Variants in DIXDC1 observed in about 807,000 individuals in gnomAD.
The protein encoded by DIXDC1 is dixin.
In DIXDC1, 64 loss-of-function variants were observed where a neutral mutation model predicts 103.1. The observed-to-expected ratio is 0.62, with a 90% CI of 0.51 to 0.76. The LOEUF is 0.76. Ranked by LOEUF, DIXDC1 falls within the 30% of genes least tolerant of loss-of-function variation. The pLI is 0.00. For missense variants in DIXDC1, 759 were observed against 834.2 expected (o/e 0.91, Z 1.11); for synonymous variants, 266 against 298.5 (o/e 0.89, Z 1.12).
intron 10 of DIXDC1, 75 bp downstream of exon 10, chr11:111,989,130 T>C (rs1344489133): frequency 1.5e-6 from 2 of 1,315,004 alleles, no homozygotes; most frequent in Non-Finnish European, 2.1e-6. Context: ...GTGGTGAGAG[T>C]TGGAATTTTC....
chr11:111,942,794 T>C (rs1555169000), intron 1 of DIXDC1, among the ~76,000 whole-genome samples: 1 of 152,210 alleles, frequency 6.6e-6, no homozygotes, highest in Non-Finnish European at 1.5e-5. Context: ...TAATCTTCCC[T>C]TATCCAAGGG....
chr11:111,938,672 C>A (rs1433310037), intron 1 of DIXDC1, among the ~76,000 whole-genome samples: 4 of 152,198 alleles, frequency 2.6e-5, no homozygotes, highest in African/African-American at 9.7e-5. Flanking sequence ...CTACAGACTC[C>A]TTCCTTAATT....
At chr11:111,951,597 A>G (rs1197997769) in intron 1 of DIXDC1, among the ~76,000 whole-genome samples, 2 of 152,162 alleles carry the variant, frequency 1.3e-5, no homozygotes, top group African/African-American at 2.4e-5. Context: ...TAGTTTGGCT[A>G]TGTCCCCACC....
chr11:111,968,719 C>T, intron 3 of DIXDC1, 81 bp downstream of exon 3: 1 of 1,362,154 alleles, frequency 7.3e-7, no homozygotes, highest in South Asian at 1.9e-5. Context: ...TTGGCTGTAA[C>T]CTGGGGGAAG....
upstream of DIXDC1, among the ~76,000 whole-genome samples, chr11:111,935,527 C>T (rs1378398067): frequency 2.0e-5 from 3 of 152,220 alleles, no homozygotes; most frequent in African/African-American, 7.2e-5. Flanking sequence ...CTCAACCAAT[C>T]AGGATCCTCT....
At chr11:111,959,036 T>C (rs1592565378) in intron 1 of DIXDC1, among the ~76,000 whole-genome samples, 1 of 152,334 alleles carries the variant, frequency 6.6e-6, no homozygotes, top group South Asian at 2.1e-4. Context: ...GCACGTCTCC[T>C]CTGAGCTGTT....
At chr11:111,939,169 T>C (rs1555168572) in intron 1 of DIXDC1, among the ~76,000 whole-genome samples, 1 of 152,230 alleles carries the variant, frequency 6.6e-6, no homozygotes, top group Non-Finnish European at 1.5e-5. Flanking sequence ...ATGGTCCCAC[T>C]GTCTGTTTAA....
chr11:111,988,749 T>G (rs1202366824), intron 9 of DIXDC1, among the ~76,000 whole-genome samples: 2 of 152,204 alleles, frequency 1.3e-5, no homozygotes, highest in Non-Finnish European at 2.9e-5. Flanking sequence ...TTATGGGGTA[T>G]CTTCTTTCTT....
At chr11:111,983,277 G>A (rs587634890) in intron 7 of DIXDC1, among the ~76,000 whole-genome samples, 2 of 152,348 alleles carry the variant, frequency 1.3e-5, no homozygotes, top group South Asian at 4.1e-4. Context: ...GGCTCTGGCA[G>A]CCGGCAGGCG....
chr11:111,929,800 T>C, intron 1 of DIXDC1: 1 of 1,443,394 alleles, frequency 6.9e-7, no homozygotes, highest in East Asian at 2.5e-5. Context: ...TGTACATTTC[T>C]TATTCTTCCT....
chr11:111,968,599 G>A lies in DIXDC1; in HGVS notation c.277G>A (p.Ala93Thr), dbSNP rs782726393. The change falls in exon 3 of 20, where the codon GCC becomes ACC. Residue 93 changes from alanine (A) to threonine (T), a missense_variant. Coordinates refer to ENST00000440460, the MANE Select transcript of DIXDC1 (RefSeq NM_001037954.4). Reference protein sequence around the residue: ...NNVEKVLQFVASKKIRMHQTS... With the variant: ...NNVEKVLQFVTSKKIRMHQTS... ...TGTGGAGAAAGTGCTACAGTTTGTG[G>A]CCTCTAAAAAGATTCGTATGCACCA... The A allele has an allele frequency of 1.9e-6, 3 of 1,611,712 alleles. No homozygotes were observed. The highest frequency in any genetic ancestry group is 2.5e-6 in the Non-Finnish European group (3 of 1,178,880).
intron 1 of DIXDC1, among the ~76,000 whole-genome samples, chr11:111,955,339 C>CAAA (rs869169346): frequency 2.0e-5 from 1 of 49,818 alleles, no homozygotes; most frequent in Non-Finnish European, 4.9e-5. Context: ...GAGACCCTGT[C>CAAA]AAAAAAAAAA....
intron 1 of DIXDC1, among the ~76,000 whole-genome samples, chr11:111,939,041 G>C (rs1329711793): frequency 6.6e-6 from 1 of 152,126 alleles, no homozygotes; most frequent in Non-Finnish European, 1.5e-5. Context: ...CTGCCTTTGG[G>C]CTGCCCCTGG....
chr11:112,016,074 G>A (rs1316008729), intron 17 of DIXDC1: 2 of 150,798 alleles, frequency 1.3e-5, no homozygotes, highest in Non-Finnish European at 2.9e-5. Flanking sequence ...CTCCCAAAGT[G>A]TTGGGAAATA....
intron 6 of DIXDC1, 178 bp from the exon 7 acceptor site, chr11:111,982,161 G>C (rs1860325347): frequency 3.5e-6 from 2 of 566,390 alleles, no homozygotes; most frequent in Admixed American, 3.1e-5. Flanking sequence ...CCTGAGGCCT[G>C]AGCTCACAGC....
chr11:111,970,283 G>A (rs1859873787), intron 3 of DIXDC1, among the ~76,000 whole-genome samples: 1 of 152,076 alleles, frequency 6.6e-6, no homozygotes, highest in South Asian at 2.1e-4. Flanking sequence ...TCGAACTCCT[G>A]ACCTCAAGTG....
Position 112,017,793 on chromosome 11 carries a change from T to G in DIXDC1, c.1879T>G (p.Leu627Val). 6.2e-7 allele frequency: 1 copy of G among 1,610,166 alleles called. No individual in the cohort carries two copies. Among genetic ancestry groups the G allele is most frequent in the Non-Finnish European group, 8.5e-7 (1 of 1,178,034 alleles). ...GTGTTGCAGGTTGGAGGAGGTGACGTTAAAGGATTTTAAAGCAGCTATTGA... is the reference window on the plus strand; with the variant it reads ...GTGTTGCAGGTTGGAGGAGGTGACGGTAAAGGATTTTAAAGCAGCTATTGA... ...NIPKRLEEVTLKDFKAAIDRE... is the reference protein window; with the variant it reads ...NIPKRLEEVTVKDFKAAIDRE... Residue 627 changes from leucine (L) to valine (V), a missense_variant, in exon 19 of 20, where the codon TTA (leucine) becomes GTA (valine). Around this residue, in one of 3 missense-constraint regions of DIXDC1, gnomAD observed 657 missense variants for 727.5 expected, o/e 0.90. Transcript: ENST00000440460. The surrounding 1 kb of genome is among the most constrained non-coding windows in gnomAD (Gnocchi z 4.0).
At chr11:112,004,108 A>G (rs505865) in intron 17 of DIXDC1, among the ~76,000 whole-genome samples, 5,249 of 149,034 alleles carry the variant, frequency 0.035, 321 homozygotes, top group African/African-American at 0.12. Flanking sequence ...ATGTGTGTGT[A>G]TATGTGTATA....
chr11:111,927,828 G>C lies in DIXDC1; in HGVS notation c.-37+441G>C, dbSNP rs185249617. Among the ~76,000 whole-genome samples, 1,219 of 150,652 alleles carry C rather than the reference G, an allele frequency of 8.1e-3. 7 individuals carry two copies. The highest frequency in any genetic ancestry group is 0.051 in the Middle Eastern group (15 of 294). On this transcript the variant is annotated intron_variant, in intron 1 of 5. Transcript: ENST00000529225. ...GTCTGGAGTTCGAGACCAGCCTGGC[G>C]AACATGGTGAAACCCCGTCTCTACT...
Sources: allele counts gnomAD v4.1 joint callset (sites outside exome capture counted in the v4.1 genomes callset), GRCh38; gene constraint gnomAD v4.1.1; regional missense constraint gnomAD v4.1.1; non-coding constraint Gnocchi (gnomAD v3.1); transcripts MANE v1.5; gene names NCBI Gene and HGNC (gene_info 2026-07-23, HGNC 2026-07-21).